The following RNF121 variants were observed in gnomAD, a reference collection of about 807,000 sequenced individuals.
RNF121 encodes the protein ring finger protein 121, also known as E3 ubiquitin ligase RNF121.
Under a neutral mutation model 46.5 loss-of-function variants are expected in RNF121, and 21 were observed. The observed-to-expected ratio is 0.45, with a 90% CI of 0.32 to 0.65. The LOEUF (loss-of-function observed/expected upper bound fraction) is 0.65. Among genes scored for constraint, RNF121 ranks in the 30% least tolerant of loss-of-function variants. The pLI is 0.04. For synonymous variants in RNF121, 139 were observed against 144.7 expected (o/e 0.96, Z 0.28); for missense variants, 346 against 416.0 (o/e 0.83, Z 1.46).
rs1457781545 is a variant in RNF121 at position 71,989,445 on chromosome 11, T to C, written c.507-1152T>C. ...AGTTTCTTTTTACTTGCCTGAACTC[T>C]ACAATGAGGAAAACAGAATTGAGAA... On this transcript the variant is annotated intron_variant, in intron 5 of 8. Transcript: ENST00000361756. Among the ~76,000 whole-genome samples the C allele has an allele frequency of 2.0e-5, 3 of 152,304 alleles. No individual in the cohort carries two copies. In the East Asian group the frequency reaches 5.8e-4, roughly 29 times the overall value.
At chr11:71,976,144 C>T (rs1305768761) in intron 3 of RNF121, among the ~76,000 whole-genome samples, 1 of 151,982 alleles carries the variant, frequency 6.6e-6, no homozygotes, top group Non-Finnish European at 1.5e-5. Context: ...CTGGTGTCTT[C>T]AGTTGTTCCT....
chr11:71,945,884 G>T (rs572822644), intron 1 of RNF121, among the ~76,000 whole-genome samples: 3 of 152,266 alleles, frequency 2.0e-5, no homozygotes, highest in South Asian at 4.2e-4. Context: ...AGGCTGAGGA[G>T]GGTGGATCAC....
intron 3 of RNF121, among the ~76,000 whole-genome samples, chr11:71,968,940 C>T (rs193053615): frequency 7.0e-4 from 98 of 140,470 alleles, no homozygotes; most frequent in African/African-American, 2.4e-3. Flanking sequence ...GGCTGGAATG[C>T]AGTGGCGCGA....
intron 3 of RNF121, among the ~76,000 whole-genome samples, chr11:71,966,904 A>T (rs7937408): frequency 6.8e-6 from 1 of 147,224 alleles, no homozygotes; most frequent in Non-Finnish European, 1.5e-5. Context: ...TCACTCTGTC[A>T]CCCAGGCCGG....
In RNF121 at chr11:71,994,541, T is replaced by G. The variant is rs140031620; in HGVS notation, c.628-178T>G. 1.6e-4 allele frequency among the ~76,000 whole-genome samples: 24 copies of G among 152,196 alleles called. No homozygotes were observed. In the East Asian group the frequency reaches 4.4e-3, roughly 28 times the overall value. On this transcript the variant is annotated intron_variant, in intron 6 of 8. Coordinates refer to ENST00000361756, the MANE Select transcript of RNF121 (RefSeq NM_018320.5). The stretch of plus-strand genomic sequence containing the variant: ...CTGCCCAGCAAAGATGAGGTCGATT[T>G]GACTTGTAAAAGATTACCTTTTCTA...
At chr11:71,966,886 A>G (rs1954288952) in intron 3 of RNF121, among the ~76,000 whole-genome samples, 2 of 141,784 alleles carry the variant, frequency 1.4e-5, no homozygotes, top group African/African-American at 5.3e-5. Flanking sequence ...TTTTTTTGAG[A>G]CGGAATCTCA....
intron 3 of RNF121, among the ~76,000 whole-genome samples, chr11:71,966,933 G>A (rs1257792565): frequency 3.4e-5 from 5 of 148,204 alleles, no homozygotes; most frequent in East Asian, 2.0e-4. Flanking sequence ...CTGCAGAGGC[G>A]CAATCTCGGC....
chr11:71,988,233 C>T (rs990141330), intron 5 of RNF121, among the ~76,000 whole-genome samples: 3 of 152,116 alleles, frequency 2.0e-5, no homozygotes, highest in East Asian at 1.9e-4. Flanking sequence ...CCTCCCACCC[C>T]GAATTGAGTC....
intron 3 of RNF121, among the ~76,000 whole-genome samples, chr11:71,971,036 G>A (rs939748708): frequency 1.3e-5 from 2 of 152,142 alleles, no homozygotes; most frequent in African/African-American, 4.8e-5. Flanking sequence ...GAATACAAAG[G>A]GGACTCAAGA....
chr11:71,996,363 A>G lies in RNF121; in HGVS notation c.*48A>G. The G allele has an allele frequency of 1.3e-6, 2 of 1,599,100 alleles. No individual in the cohort carries two copies. The highest frequency in any genetic ancestry group is 1.7e-6 in the Non-Finnish European group (2 of 1,170,114). On this transcript the variant is annotated 3_prime_UTR_variant, in exon 9 of 9. Transcript: ENST00000361756. ...ACCCACCCCACACGCCATGGACCTCAGGGCACTCTCCTCCCTGCCCACAAA... is the reference window on the plus strand; with the variant it reads ...ACCCACCCCACACGCCATGGACCTCGGGGCACTCTCCTCCCTGCCCACAAA...
Position 71,996,178 on chromosome 11 carries a change from C to G in RNF121, c.864-17C>G. 1 of 1,613,702 alleles carries G rather than the reference C, an allele frequency of 6.2e-7. No homozygotes were observed. Among genetic ancestry groups the G allele is most frequent in the Non-Finnish European group, 8.5e-7 (1 of 1,179,770 alleles). ...GCAGCTCTTGCACAGAGTCTCTTTT[C>G]TTTAACACACTGACAGCTGGGAGAG... is the stretch of plus-strand genomic sequence containing the variant. On this transcript the variant is annotated splice_polypyrimidine_tract_variant and intron_variant, in intron 8 of 8. Transcript: ENST00000361756.
intron 5 of RNF121, 103 bp from the exon 6 acceptor site, chr11:71,990,494 T>C: frequency 6.9e-7 from 1 of 1,440,362 alleles, no homozygotes; most frequent in Non-Finnish European, 9.4e-7. Flanking sequence ...CTCTAGCCTT[T>C]GGGCCTTCTC....
intron 1 of RNF121, among the ~76,000 whole-genome samples, chr11:71,955,312 T>C (rs1309002456): frequency 6.6e-6 from 1 of 152,202 alleles, no homozygotes; most frequent in Non-Finnish European, 1.5e-5. Context: ...GCTTCTCAAA[T>C]TTAATGTACA....
chr11:71,979,853 A>T (rs952176513), intron 3 of RNF121, among the ~76,000 whole-genome samples: 3 of 152,218 alleles, frequency 2.0e-5, no homozygotes, highest in African/African-American at 4.8e-5. Flanking sequence ...AAATGTGACC[A>T]GACTATGTGA....
intron 1 of RNF121, among the ~76,000 whole-genome samples, chr11:71,942,508 A>T (rs1046553149): frequency 5.9e-5 from 9 of 151,952 alleles, no homozygotes; most frequent in African/African-American, 2.2e-4. Flanking sequence ...CACGCCTGTA[A>T]TCCCAGGACT....
chr11:71,977,720 C>G (rs1954557143), intron 3 of RNF121, among the ~76,000 whole-genome samples: 1 of 152,220 alleles, frequency 6.6e-6, no homozygotes, highest in South Asian at 2.1e-4. Context: ...TCATCCAGAG[C>G]TCTGCCTCTT....
At chr11:71,978,058 A>C (rs1590804999) in intron 3 of RNF121, 1 of 303,610 alleles carries the variant, frequency 3.3e-6, no homozygotes, top group South Asian at 2.4e-5. Context: ...GAAACTGAAA[A>C]AAATTTTTTG....
intron 3 of RNF121, among the ~76,000 whole-genome samples, chr11:71,968,265 G>A (rs543529837): frequency 1.3e-5 from 2 of 152,050 alleles, no homozygotes; most frequent in African/African-American, 4.8e-5. Context: ...TCACCATGTT[G>A]GCCAGGCTGA....
At chr11:71,935,305 A>T (rs1040746508) in intron 1 of RNF121, among the ~76,000 whole-genome samples, 1 of 152,212 alleles carries the variant, frequency 6.6e-6, no homozygotes, top group Admixed American at 6.5e-5. Context: ...CATTTTATAG[A>T]TGTGGAAGCT....
Sources: gnomAD v4.1 joint callset for allele counts (sites outside exome capture counted in the v4.1 genomes callset) on GRCh38, gnomAD v4.1.1 for gene constraint, MANE v1.5 for transcripts, NCBI Gene and HGNC (gene_info 2026-07-23, HGNC 2026-07-21) for gene names.